INPP4B: variants seen among roughly 807,000 people sequenced by gnomAD.
The protein encoded by INPP4B is inositol polyphosphate 4-phosphatase type II.
Under a neutral mutation model 122.5 loss-of-function variants are expected in INPP4B, and 55 were observed. The ratio of observed to expected loss-of-function variants is 0.45; its 90% CI spans 0.36 to 0.56. The LOEUF (loss-of-function observed/expected upper bound fraction) is 0.56, where lower values mean the gene tolerates loss of function less well. Ranked by LOEUF, INPP4B falls within the 20% of genes least tolerant of loss-of-function variation. The probability of loss-of-function intolerance (pLI) is 0.00; values close to 1 mark genes in which losing one functional copy is unlikely to be tolerated. For missense variants in INPP4B, 1,000 were observed against 1,097.7 expected (o/e 0.91, Z 1.26); for synonymous variants, 403 against 388.7 (o/e 1.04, Z -0.43).
chr4:142,258,756 G>C (rs1034928676), intron 11 of INPP4B, among the ~76,000 whole-genome samples: 5 of 152,116 alleles, frequency 3.3e-5, no homozygotes, highest in African/African-American at 1.2e-4. Flanking sequence ...ACTGTTGGTG[G>C]GACTGTAAAC....
intron 20 of INPP4B, 127 bp from the exon 21 acceptor site, chr4:142,122,372 C>T (rs531291634): frequency 8.5e-6 from 6 of 703,768 alleles, no homozygotes; most frequent in Admixed American, 5.3e-5. Context: ...AGTGAACCTA[C>T]TCTAGACACT....
chr4:142,597,334 G>T (rs567777346), intron 2 of INPP4B, among the ~76,000 whole-genome samples: 17 of 152,328 alleles, frequency 1.1e-4, no homozygotes, highest in Non-Finnish European at 1.8e-4. Context: ...TAACTATGTG[G>T]ATCAACGGTG....
At chr4:142,786,522 C>T (rs545382938) in intron 1 of INPP4B, among the ~76,000 whole-genome samples, 5 of 151,956 alleles carry the variant, frequency 3.3e-5, no homozygotes, top group Non-Finnish European at 7.4e-5. Flanking sequence ...GAACATAATT[C>T]CCTGCTCCTT....
At chr4:142,386,661 C>G (rs901648513) in intron 7 of INPP4B, among the ~76,000 whole-genome samples, 4 of 152,204 alleles carry the variant, frequency 2.6e-5, no homozygotes, top group African/African-American at 9.6e-5. Context: ...TACCTCACTT[C>G]TGATATCTGT....
chr4:142,666,899 C>G (rs1480051645), intron 2 of INPP4B, among the ~76,000 whole-genome samples: 1 of 152,168 alleles, frequency 6.6e-6, no homozygotes, highest in Admixed American at 6.5e-5. Context: ...TGCGTTCTGT[C>G]AGATTTCAAT....
In INPP4B at chr4:142,841,342, T is replaced by A. The variant is rs531795406; in HGVS notation, c.-254+4867A>T. ...TGAATAGTTTTTGTGTTTTGGTTGTTCTAATGGCAAGAGCTCATCTCTGAT... is the reference window on the plus strand; with the variant it reads ...TGAATAGTTTTTGTGTTTTGGTTGTACTAATGGCAAGAGCTCATCTCTGAT... On this transcript the variant is annotated intron_variant, in intron 1 of 25. Transcript: ENST00000262992. Among the ~76,000 whole-genome samples the A allele has an allele frequency of 5.9e-5, 9 of 152,128 alleles. No homozygotes were observed. In the South Asian group the frequency reaches 1.9e-3, roughly 32 times the overall value.
intron 3 of INPP4B, among the ~76,000 whole-genome samples, chr4:142,448,912 G>C (rs2149492398): frequency 6.6e-6 from 1 of 152,272 alleles, no homozygotes; most frequent in African/African-American, 2.4e-5. Context: ...GTATTTAAAG[G>C]TTAAAGGCAT....
At chr4:142,127,475 C>A (rs76397360) in intron 18 of INPP4B, among the ~76,000 whole-genome samples, 1,384 of 131,164 alleles carry the variant, frequency 0.011, 7 homozygotes, top group East Asian at 0.017. Flanking sequence ...ACAAAAAAAA[C>A]AACACCAAAA....
At chr4:142,246,023 TGTACAC>T (rs1728350679) in intron 11 of INPP4B, among the ~76,000 whole-genome samples, 4 of 140,426 alleles carry the variant, frequency 2.8e-5, no homozygotes, top group African/African-American at 1.1e-4. Flanking sequence ...CATGTGTGTA[TGTACAC>T]ACACGTGTGT....
chr4:142,141,922 A>G (rs530126483), intron 18 of INPP4B, among the ~76,000 whole-genome samples: 3 of 152,234 alleles, frequency 2.0e-5, no homozygotes, highest in African/African-American at 7.2e-5. Context: ...AAATTTAGAA[A>G]TGTATCCCAA....
At chr4:142,773,359 C>T (rs1263458595) in intron 1 of INPP4B, among the ~76,000 whole-genome samples, 1 of 152,116 alleles carries the variant, frequency 6.6e-6, no homozygotes, top group Non-Finnish European at 1.5e-5. Flanking sequence ...AATTACAGAG[C>T]TTATAAATGA....
intron 1 of INPP4B, among the ~76,000 whole-genome samples, chr4:142,833,587 T>C (rs1782426774): frequency 6.6e-6 from 1 of 152,074 alleles, no homozygotes; most frequent in Non-Finnish European, 1.5e-5. Context: ...GTTATTATCC[T>C]TATACAATAT....
At chr4:142,554,939 C>A (rs1009149881) in intron 2 of INPP4B, among the ~76,000 whole-genome samples, 1 of 152,194 alleles carries the variant, frequency 6.6e-6, no homozygotes, top group African/African-American at 2.4e-5. Context: ...GCCCCAAACT[C>A]TTTGCCTACA....
chr4:142,836,673 T>C (rs1782816457), intron 1 of INPP4B, among the ~76,000 whole-genome samples: 2 of 150,720 alleles, frequency 1.3e-5, no homozygotes, highest in African/African-American at 2.4e-5. Context: ...AGAAAAACAA[T>C]TTAGGTAAAT....
At chr4:142,485,305 C>A (rs566123976) in intron 2 of INPP4B, among the ~76,000 whole-genome samples, 1 of 152,048 alleles carries the variant, frequency 6.6e-6, no homozygotes, top group African/African-American at 2.4e-5. Context: ...GACCAACCAA[C>A]CAACCTTAAG....
At position 142,747,619 on chromosome 4, in the gene INPP4B, C is replaced by T. The variant is rs538326934; in HGVS notation, c.-253-21718G>A. Among the ~76,000 whole-genome samples, 68 of 152,266 alleles carry T rather than the reference C, an allele frequency of 4.5e-4. 1 individual carries two copies. The highest frequency in any genetic ancestry group is 1.6e-3 in the African/African-American group (67 of 41,546). On this transcript the variant is annotated intron_variant, in intron 1 of 25. Transcript: ENST00000262992. ...CACAATAGCTAAGACTTGGAATCAA[C>T]TCAAATGTCCATCAGTGATAGATTG...
chr4:142,135,156 T>C (rs1803408620), intron 18 of INPP4B, among the ~76,000 whole-genome samples: 2 of 152,198 alleles, frequency 1.3e-5, no homozygotes, highest in Non-Finnish European at 2.9e-5. Context: ...TAGATCCATA[T>C]GACTAGGCCT....
chr4:142,755,643 CA>C (rs1340289454), intron 1 of INPP4B, among the ~76,000 whole-genome samples: 1 of 151,888 alleles, frequency 6.6e-6, no homozygotes, highest in Non-Finnish European at 1.5e-5. Flanking sequence ...GAGCCATGCA[CA>C]AACTATTTTT....
intron 12 of INPP4B, among the ~76,000 whole-genome samples, chr4:142,235,273 G>A (rs1269727527): frequency 6.6e-6 from 1 of 151,876 alleles, no homozygotes. Flanking sequence ...ATTTTTAAAT[G>A]AAGTGGTGTT....
Sources: gnomAD v4.1 joint callset for allele counts (sites outside exome capture counted in the v4.1 genomes callset) on GRCh38, gnomAD v4.1.1 for gene constraint, MANE v1.5 for transcripts, NCBI Gene and HGNC (gene_info 2026-07-23, HGNC 2026-07-21) for gene names.